Variants in HYDIN observed in about 807,000 individuals in gnomAD.
The protein encoded by HYDIN is HYDIN axonemal central pair apparatus protein.
A neutral mutation model predicts 403.9 loss-of-function variants in HYDIN; 132 were observed. The ratio of observed to expected loss-of-function variants is 0.33; its 90% CI spans 0.28 to 0.38. HYDIN has a LOEUF of 0.38. HYDIN is among the 10% of genes least tolerant of loss of function. HYDIN has a pLI of 1.00. For synonymous variants in HYDIN, 1,202 were observed against 1,891.7 expected (o/e 0.64, Z 9.46); for missense variants, 2,827 against 5,009.5 (o/e 0.56, Z 13.15).
intron 13 of HYDIN, among the ~76,000 whole-genome samples, chr16:71,070,247 C>A (rs1597706434): frequency 4.2e-5 from 2 of 48,064 alleles, no homozygotes; most frequent in African/African-American, 4.6e-4. Flanking sequence ...TCTTTCTTTT[C>A]TTTCTTTCTT....
At chr16:71,084,189 A>G (rs2082867189) in intron 12 of HYDIN, among the ~76,000 whole-genome samples, 1 of 149,830 alleles carries the variant, frequency 6.7e-6, no homozygotes, top group Non-Finnish European at 1.5e-5. Flanking sequence ...TATCAGATAT[A>G]TGAGTTGCAC....
chr16:71,017,202 T>A (rs1465069354), intron 23 of HYDIN, among the ~76,000 whole-genome samples: 2 of 145,398 alleles, frequency 1.4e-5, no homozygotes, highest in Non-Finnish European at 3.0e-5. Flanking sequence ...AAAAAAAAAA[T>A]TGCCAGGCGT....
rs191482082 is a variant in HYDIN at position 70,981,413 on chromosome 16, G to A, written c.4488C>T (p.Leu1496=). The A allele has an allele frequency of 3.1e-6, 5 of 1,613,594 alleles. No individual in the cohort carries two copies. The highest frequency in any genetic ancestry group is 1.7e-4 in the Middle Eastern group (1 of 5,958). Residue 1496 remains leucine, a synonymous_variant, in exon 29 of 86, where the codon CTC becomes CTT. Transcript: ENST00000393567. ...TACCTGTGAGGTTCCTGGGGAGATC[G>A]AGGCAGATTTGGGGAAAGATTCCCT... The part of the protein sequence containing the change: ...SGEGIFPQIC[L]DLPRNLTANE...
chr16:70,925,492 A>C (rs2077125220), intron 45 of HYDIN, among the ~76,000 whole-genome samples: 1 of 152,268 alleles, frequency 6.6e-6, no homozygotes, highest in Non-Finnish European at 1.5e-5. Context: ...CGTTAGACCC[A>C]AAACCATAAA....
intron 13 of HYDIN, among the ~76,000 whole-genome samples, chr16:71,071,574 ATCTT>A (rs2144311872): frequency 6.6e-6 from 1 of 150,836 alleles, no homozygotes; most frequent in South Asian, 2.1e-4. Flanking sequence ...GAGGCACCTG[ATCTT>A]TCTCCCAATA....
chr16:70,922,412 T>C (rs145090930), intron 45 of HYDIN, among the ~76,000 whole-genome samples: 6,327 of 152,254 alleles, frequency 0.042, 226 homozygotes, highest in Non-Finnish European at 0.063. Context: ...TTTAACAACA[T>C]GATTAATGGA....
intron 9 of HYDIN, among the ~76,000 whole-genome samples, chr16:71,121,043 TAAC>T (rs914014264): frequency 6.9e-6 from 1 of 144,798 alleles, no homozygotes; most frequent in African/African-American, 2.6e-5. Context: ...TTATACACAT[TAAC>T]TAGTTCAATC....
intron 15 of HYDIN, among the ~76,000 whole-genome samples, chr16:71,065,554 A>T (rs540556899): frequency 2.0e-5 from 3 of 152,222 alleles, no homozygotes; most frequent in African/African-American, 7.2e-5. Flanking sequence ...GTATAGTGCA[A>T]TGGTGAAGAG....
intron 1 of HYDIN, among the ~76,000 whole-genome samples, chr16:71,193,476 T>C (rs1050186233): frequency 6.6e-6 from 1 of 152,210 alleles, no homozygotes; most frequent in Admixed American, 6.5e-5. Context: ...AGAATAGGGT[T>C]TGCCATTAAA....
At chr16:71,038,702 C>T (rs990040511) in intron 18 of HYDIN, among the ~76,000 whole-genome samples, 2 of 152,278 alleles carry the variant, frequency 1.3e-5, no homozygotes, top group Non-Finnish European at 2.9e-5. Flanking sequence ...ACTCTGTCAC[C>T]CAGGCTAGAG....
At chr16:71,060,378 G>A (rs1332028934) in intron 18 of HYDIN, 126 bp downstream of exon 18, 16 of 661,024 alleles carry the variant, frequency 2.4e-5, no homozygotes, top group Non-Finnish European at 4.1e-5. Flanking sequence ...TGGGAATGAC[G>A]TGGTTTAATA....
rs186904882 is a variant in HYDIN, at chr16:71,230,072, C to T, written c.-24+490G>A. Among the ~76,000 whole-genome samples, 504 of 152,236 alleles carry T rather than the reference C, an allele frequency of 3.3e-3. 6 individuals are homozygous for T. Among genetic ancestry groups the T allele is most frequent in the Middle Eastern group, 0.02 (6 of 294 alleles). ...GACTTTGCTCCTCCTTTGCCTTCCA[C>T]CATGATTGTGAGGCCTCCCCAGCCA... On this transcript the variant is annotated intron_variant, in intron 1 of 85. Transcript: ENST00000393567.
chr16:70,964,865 T>C lies in HYDIN; in HGVS notation c.5651A>G (p.Tyr1884Cys). 7.4e-6 allele frequency: 12 copies of C among 1,613,566 alleles called. No homozygotes were observed. The highest frequency in any genetic ancestry group is 1.1e-5 in the South Asian group (1 of 91,018). Residue 1884 changes from tyrosine (Y) to cysteine (C), a missense_variant, in exon 37 of 86, where the codon TAC becomes TGC. Transcript: ENST00000393567. ...ILRKLKGYDS[Y>C]NTLLLPPRNP... ...GCGGGGAGGCAGCAGCAGGGTGTTG[T>C]AGGAATCATAGCCCTTCAGCTTCCG...
At chr16:71,194,134 C>T (rs1002352618) in intron 1 of HYDIN, among the ~76,000 whole-genome samples, 4 of 152,138 alleles carry the variant, frequency 2.6e-5, no homozygotes, top group South Asian at 2.1e-4. Flanking sequence ...ATTTTTGGGC[C>T]GGGTGCAGTG....
chr16:70,851,432 T>C (rs574714372), intron 73 of HYDIN, among the ~76,000 whole-genome samples: 167 of 150,668 alleles, frequency 1.1e-3, no homozygotes, highest in Admixed American at 2.9e-3. Context: ...AATAGACACT[T>C]CTCAAAAGGA....
chr16:70,833,999 G>C lies in HYDIN; in HGVS notation c.13567C>G (p.Gln4523Glu), dbSNP rs1206687789. 5 of 1,606,520 alleles carry C rather than the reference G, an allele frequency of 3.1e-6. No individual in the cohort carries two copies. Among genetic ancestry groups the C allele is most frequent in the Non-Finnish European group, 4.3e-6 (5 of 1,174,378 alleles). ...RPLFLLSGCCQALEISLDQEH... is the reference protein window; with the variant it reads ...RPLFLLSGCCEALEISLDQEH... ...TGGTCCAGTGAGATCTCCAGGGCCTGGCAGCAGCCGCTAAGGAGGAAGAGG... is the reference window on the plus strand; with the variant it reads ...TGGTCCAGTGAGATCTCCAGGGCCTCGCAGCAGCCGCTAAGGAGGAAGAGG... Residue 4523 changes from glutamine (Q) to glutamate (E), a missense_variant, in exon 79 of 86, where the codon CAG becomes GAG. By Grantham distance (29) the Gln-to-Glu change is conservative. Transcript: ENST00000393567.
Position 71,067,345 on chromosome 16 carries a change from C to A in HYDIN, c.2020G>T (p.Val674Leu). 1.2e-6 allele frequency: 2 copies of A among 1,613,328 alleles called. No homozygotes were observed. ...NTVQKYELAL[V>L]VDVEGIGEEV... is the part of the protein sequence containing the mutation. ...TCTCCGATGCCCTCCACGTCCACCACGAGTGCCAGCTCGTATTTCTGCACA... is the reference window on the plus strand; with the variant it reads ...TCTCCGATGCCCTCCACGTCCACCAAGAGTGCCAGCTCGTATTTCTGCACA... The change falls in exon 15 of 86, where the codon GTG becomes TTG. Residue 674 changes from valine (V) to leucine (L), a missense_variant. By Grantham distance (32) the Val-to-Leu change is conservative. Transcript: ENST00000393567.
chr16:71,175,021 C>G (rs2086610610), intron 5 of HYDIN, among the ~76,000 whole-genome samples: 1 of 152,026 alleles, frequency 6.6e-6, no homozygotes, highest in Non-Finnish European at 1.5e-5. Flanking sequence ...CCTCTCGTGA[C>G]TACCACCGCC....
chr16:70,980,977 T>G (rs1308757149), intron 29 of HYDIN, among the ~76,000 whole-genome samples: 2 of 151,976 alleles, frequency 1.3e-5, no homozygotes, highest in Non-Finnish European at 2.9e-5. Context: ...AGAATCTGTG[T>G]CCGCCTTTCT....
Sources: allele counts gnomAD v4.1 joint callset (sites outside exome capture counted in the v4.1 genomes callset), GRCh38; gene constraint gnomAD v4.1.1; transcripts MANE v1.5; gene names NCBI Gene and HGNC (gene_info 2026-07-23, HGNC 2026-07-21).